C12orf42: variants seen among roughly 807,000 people sequenced by gnomAD.
C12orf42 encodes uncharacterized protein C12orf42.
A neutral mutation model predicts 21.6 loss-of-function variants in C12orf42; 25 were observed. The ratio of observed to expected loss-of-function variants is 1.16; its 90% CI spans 0.84 to 1.62. The LOEUF is 1.62. Among genes scored for constraint, C12orf42 ranks in the 40% most tolerant of loss-of-function variants. C12orf42 has a pLI of 0.00. For missense variants in C12orf42, 483 were observed against 459.3 expected (o/e 1.05, Z -0.47); for synonymous variants, 174 against 175.0 (o/e 0.99, Z 0.05).
chr12:103,203,481 T>A, the C12orf42 span, among the ~76,000 whole-genome samples: 1 of 152,188 alleles, frequency 6.6e-6, no homozygotes, highest in Non-Finnish European at 1.5e-5. Context: ...ACTTGAGGAT[T>A]TAAAGCTCAT....
At chr12:103,159,546 G>C in the C12orf42 span, 1 of 152,172 alleles carries the variant, frequency 6.6e-6, no homozygotes, top group Non-Finnish European at 1.5e-5. Flanking sequence ...ACTACTTGCA[G>C]AATCACTGGT....
the C12orf42 span, among the ~76,000 whole-genome samples, chr12:103,216,310 T>G: frequency 6.6e-6 from 1 of 152,198 alleles, no homozygotes; most frequent in African/African-American, 2.4e-5. Flanking sequence ...TTATTTCTTT[T>G]TACACTTTAA....
chr12:103,075,458 A>G, the C12orf42 span, among the ~76,000 whole-genome samples: 3,471 of 152,316 alleles, frequency 0.023, 58 homozygotes, highest in Non-Finnish European at 0.037. Context: ...TACATTTTCC[A>G]AGAGTATTTT....
At chr12:103,208,137 A>C in the C12orf42 span, among the ~76,000 whole-genome samples, 1 of 152,232 alleles carries the variant, frequency 6.6e-6, no homozygotes, top group Non-Finnish European at 1.5e-5. Flanking sequence ...TGGTACAAGC[A>C]AAGAGGCTAG....
At chr12:103,493,169 A>T (rs903593025) in intron 1 of C12orf42, among the ~76,000 whole-genome samples, 1 of 152,176 alleles carries the variant, frequency 6.6e-6, no homozygotes, top group South Asian at 2.1e-4. Flanking sequence ...AGTCACATAG[A>T]TCCCTCAAAA....
chr12:103,055,131 C>A, the C12orf42 span, among the ~76,000 whole-genome samples: 1 of 151,816 alleles, frequency 6.6e-6, no homozygotes, highest in African/African-American at 2.4e-5. Context: ...GGAAGAAGTT[C>A]TATAAAATTG....
chr12:103,504,598 T>A, the C12orf42 span: 1 of 152,498 alleles, frequency 6.6e-6, no homozygotes, highest in African/African-American at 2.4e-5. Flanking sequence ...TGGCATCCTG[T>A]TGGTCAGGCA....
At chr12:103,305,623 T>A (rs1426996878) in intron 5 of C12orf42, among the ~76,000 whole-genome samples, 1 of 152,182 alleles carries the variant, frequency 6.6e-6, no homozygotes, top group African/African-American at 2.4e-5. Flanking sequence ...ATGATCTGCC[T>A]GAATATTATA....
At chr12:103,127,514 T>C in the C12orf42 span, among the ~76,000 whole-genome samples, 3 of 152,196 alleles carry the variant, frequency 2.0e-5, no homozygotes, top group Non-Finnish European at 4.4e-5. Flanking sequence ...TGTATATATG[T>C]ACACATGTAC....
intron 10 of C12orf42, among the ~76,000 whole-genome samples, chr12:103,261,060 G>A (rs560019046): frequency 4.8e-4 from 73 of 151,954 alleles, no homozygotes; most frequent in Non-Finnish European, 9.0e-4. Context: ...AATTTTTCTT[G>A]ACATTTTATT....
At chr12:103,439,050 C>A (rs1950980927) in intron 2 of C12orf42, among the ~76,000 whole-genome samples, 1 of 151,902 alleles carries the variant, frequency 6.6e-6, no homozygotes, top group Admixed American at 6.6e-5. Context: ...GTACTGGTAC[C>A]AAAACAGAGA....
At chr12:103,121,211 T>C in the C12orf42 span, among the ~76,000 whole-genome samples, 2 of 152,208 alleles carry the variant, frequency 1.3e-5, no homozygotes, top group East Asian at 1.9e-4. Flanking sequence ...TCAAAATCAA[T>C]GGATCTTCAA....
chr12:103,519,715 A>G, the C12orf42 span, among the ~76,000 whole-genome samples: 1 of 152,110 alleles, frequency 6.6e-6, no homozygotes, highest in Admixed American at 6.6e-5. Context: ...GGTCCTAGGA[A>G]GCCCCTCACC....
intron 1 of C12orf42, among the ~76,000 whole-genome samples, chr12:103,489,738 G>T (rs1955069725): frequency 6.6e-6 from 1 of 152,246 alleles, no homozygotes; most frequent in Non-Finnish European, 1.5e-5. Context: ...GGCTCCATGG[G>T]CATGGGACCC....
chr12:103,222,297 T>C, the C12orf42 span, among the ~76,000 whole-genome samples: 1 of 149,648 alleles, frequency 6.7e-6, no homozygotes, highest in Non-Finnish European at 1.5e-5. Flanking sequence ...GGGTTTGTTC[T>C]CTGGCGGGCA....
intron 1 of C12orf42, among the ~76,000 whole-genome samples, chr12:103,478,940 A>G (rs1446475320): frequency 6.6e-6 from 1 of 152,166 alleles, no homozygotes; most frequent in Non-Finnish European, 1.5e-5. Context: ...GATGTGAACA[A>G]TTGTATCACC....
In C12orf42 at chr12:103,478,330, A is replaced by C. The variant is rs746002016; in HGVS notation, c.78+19T>G. On this transcript the variant is annotated intron_variant, in intron 2 of 5. Transcript: ENST00000548883. Reference sequence around the variant, plus strand: ...TAACCTAAAAAAAGTAAGAAAATATAGTATCTCTTATGCATTACCTGCATC... The same window carrying C: ...TAACCTAAAAAAAGTAAGAAAATATCGTATCTCTTATGCATTACCTGCATC... The C allele has an allele frequency of 6.5e-7, 1 of 1,530,074 alleles. No individual in the cohort carries two copies. Among genetic ancestry groups the C allele is most frequent in the Non-Finnish European group, 8.9e-7 (1 of 1,119,706 alleles). 94.8% of individuals were successfully genotyped at this position (1,530,074 alleles called of 1,614,324 possible).
the C12orf42 span, among the ~76,000 whole-genome samples, chr12:103,073,500 A>AT: frequency 6.6e-6 from 1 of 152,258 alleles, no homozygotes; most frequent in Non-Finnish European, 1.5e-5. Flanking sequence ...AGCTATTATC[A>AT]TTTTGTTTCT....
At chr12:103,436,513 C>T (rs954896838) in intron 2 of C12orf42, among the ~76,000 whole-genome samples, 31 of 151,020 alleles carry the variant, frequency 2.1e-4, no homozygotes, top group Non-Finnish European at 3.7e-4. Flanking sequence ...ACCCATCTCA[C>T]GTGCAGAGAC....
Sources: gnomAD v4.1 joint callset for allele counts (sites outside exome capture counted in the v4.1 genomes callset) on GRCh38, gnomAD v4.1.1 for gene constraint, MANE v1.5 for transcripts, NCBI Gene and HGNC (gene_info 2026-07-23, HGNC 2026-07-21) for gene names.